Variants in VPS13B observed in about 807,000 individuals in gnomAD.
The protein encoded by VPS13B is vacuolar protein sorting 13 homolog B.
VPS13B carries 285 observed loss-of-function variants against 426.4 expected under a neutral mutation model. The ratio of observed to expected loss-of-function variants is 0.67; its 90% CI spans 0.61 to 0.74. The LOEUF (loss-of-function observed/expected upper bound fraction) is 0.74. Among genes scored for constraint, VPS13B ranks in the 30% least tolerant of loss-of-function variants. The pLI is 0.00. For synonymous variants in VPS13B, 1,676 were observed against 1,676.4 expected (o/e 1.00, Z 0.01); for missense variants, 4,537 against 4,782.6 (o/e 0.95, Z 1.51).
intron 34 of VPS13B, among the ~76,000 whole-genome samples, chr8:99,643,303 G>A (rs1012532230): frequency 6.6e-6 from 1 of 152,196 alleles, no homozygotes; most frequent in African/African-American, 2.4e-5. Context: ...CTCAGGAATA[G>A]TTCAGGCATT....
intron 34 of VPS13B, among the ~76,000 whole-genome samples, chr8:99,659,537 C>T (rs989200621): frequency 6.8e-4 from 103 of 152,192 alleles, no homozygotes; most frequent in African/African-American, 2.3e-3. Context: ...AGTTAATGCA[C>T]GTTACCTCAG....
intron 19 of VPS13B, among the ~76,000 whole-genome samples, chr8:99,305,189 A>G (rs770109139): frequency 2.0e-5 from 3 of 152,100 alleles, no homozygotes; most frequent in East Asian, 1.9e-4. Flanking sequence ...TCTCCTTTAC[A>G]TTCTGTAACT....
intron 35 of VPS13B, among the ~76,000 whole-genome samples, chr8:99,680,185 G>A (rs919611490): frequency 3.3e-5 from 5 of 152,080 alleles, no homozygotes; most frequent in African/African-American, 1.2e-4. Flanking sequence ...TTGGGTTTTT[G>A]GTAATAGATT....
intron 33 of VPS13B, among the ~76,000 whole-genome samples, chr8:99,607,315 G>T (rs1827638831): frequency 6.6e-6 from 1 of 152,114 alleles, no homozygotes; most frequent in Non-Finnish European, 1.5e-5. Flanking sequence ...TGGATAGATG[G>T]AGCCCAAGAT....
At chr8:99,273,609 A>G (rs1818723293) in intron 17 of VPS13B, among the ~76,000 whole-genome samples, 1 of 151,676 alleles carries the variant, frequency 6.6e-6, no homozygotes, top group South Asian at 2.1e-4. Context: ...ACATGCTGAA[A>G]CCGCGTCTCT....
At chr8:99,607,610 C>T (rs942194879) in intron 33 of VPS13B, among the ~76,000 whole-genome samples, 1 of 152,076 alleles carries the variant, frequency 6.6e-6, no homozygotes, top group African/African-American at 2.4e-5. Flanking sequence ...TTTGTATTAT[C>T]GATTTTCTCA....
At chr8:99,509,243 T>A (rs1003979050) in intron 28 of VPS13B, among the ~76,000 whole-genome samples, 4 of 152,196 alleles carry the variant, frequency 2.6e-5, no homozygotes, top group Admixed American at 2.0e-4. Flanking sequence ...AGCACTTTTC[T>A]TGCTTTACTA....
At chr8:99,062,530 G>A (rs180988007) in intron 3 of VPS13B, among the ~76,000 whole-genome samples, 11 of 152,274 alleles carry the variant, frequency 7.2e-5, no homozygotes, top group Admixed American at 2.0e-4. Context: ...GTGCATGGGC[G>A]TCATCTCGGC....
chr8:99,794,127 GCT>G (rs1417925389), intron 43 of VPS13B, among the ~76,000 whole-genome samples: 1 of 152,146 alleles, frequency 6.6e-6, no homozygotes, highest in Non-Finnish European at 1.5e-5. Flanking sequence ...AAAGAACTTG[GCT>G]CTCTATAACC....
intron 40 of VPS13B, among the ~76,000 whole-genome samples, chr8:99,772,495 T>C (rs1811555857): frequency 6.6e-6 from 1 of 151,964 alleles, no homozygotes; most frequent in Non-Finnish European, 1.5e-5. Flanking sequence ...TTAATGGACA[T>C]GGAGTTTCAG....
intron 19 of VPS13B, among the ~76,000 whole-genome samples, chr8:99,292,806 G>A (rs1353401586): frequency 6.6e-6 from 1 of 151,994 alleles, no homozygotes; most frequent in African/African-American, 2.4e-5. Context: ...CTATTTTTGT[G>A]CAACTGTTTG....
intron 39 of VPS13B, among the ~76,000 whole-genome samples, chr8:99,743,548 T>C (rs1057054902): frequency 9.9e-5 from 15 of 151,954 alleles, no homozygotes; most frequent in Admixed American, 4.6e-4. Context: ...AAGCTGGAGG[T>C]ATCACGCTAC....
At chr8:99,635,348 A>G (rs1354424712) in intron 33 of VPS13B, among the ~76,000 whole-genome samples, 1 of 151,988 alleles carries the variant, frequency 6.6e-6, no homozygotes, top group African/African-American at 2.4e-5. Flanking sequence ...TTTATAAGAT[A>G]TGAAATATAA....
chr8:99,803,493 G>C (rs976057443), intron 43 of VPS13B, among the ~76,000 whole-genome samples: 1 of 151,898 alleles, frequency 6.6e-6, no homozygotes, highest in African/African-American at 2.4e-5. Context: ...TACATCAAAG[G>C]GTCCAAAAAT....
intron 39 of VPS13B, among the ~76,000 whole-genome samples, chr8:99,751,249 G>A (rs557385529): frequency 1.3e-5 from 2 of 151,636 alleles, no homozygotes; most frequent in Non-Finnish European, 2.9e-5. Context: ...ATTTTGATCA[G>A]CACCTCCATC....
chr8:99,457,221 G>T (rs1818522056), intron 23 of VPS13B, among the ~76,000 whole-genome samples: 1 of 151,774 alleles, frequency 6.6e-6, no homozygotes, highest in South Asian at 2.1e-4. Flanking sequence ...TAGTAGAGTT[G>T]GGGTTTCACC....
At chr8:99,743,526 G>A (rs2130491835) in intron 39 of VPS13B, among the ~76,000 whole-genome samples, 1 of 152,214 alleles carries the variant, frequency 6.6e-6, no homozygotes, top group Non-Finnish European at 1.5e-5. Flanking sequence ...TCAATCCTAA[G>A]CCAAAACAAC....
At chr8:99,625,268 C>A (rs1828562501) in intron 33 of VPS13B, among the ~76,000 whole-genome samples, 1 of 152,078 alleles carries the variant, frequency 6.6e-6, no homozygotes, top group Non-Finnish European at 1.5e-5. Flanking sequence ...CAAGACAATA[C>A]TCATGAAATA....
intron 21 of VPS13B, among the ~76,000 whole-genome samples, chr8:99,415,893 C>T (rs141979221): frequency 0.054 from 8,168 of 152,240 alleles, 251 homozygotes; most frequent in Non-Finnish European, 0.066. Context: ...GCACGGGGGT[C>T]GGGGACCCAC....
Sources: allele counts gnomAD v4.1 joint callset (sites outside exome capture counted in the v4.1 genomes callset), GRCh38; gene constraint gnomAD v4.1.1; transcripts MANE v1.5; gene names NCBI Gene and HGNC (gene_info 2026-07-23, HGNC 2026-07-21).